CTDSPL: variants seen among roughly 807,000 people sequenced by gnomAD.
CTDSPL encodes CTD small phosphatase-like protein.
In CTDSPL, 8 loss-of-function variants were observed where a neutral mutation model predicts 30.5. That is an observed-to-expected ratio of 0.26 (90% confidence interval 0.15 to 0.47). The LOEUF (loss-of-function observed/expected upper bound fraction) is 0.47, where lower values mean the gene tolerates loss of function less well. Among genes scored for constraint, CTDSPL ranks in the 20% least tolerant of loss-of-function variants. The pLI is 0.99. For synonymous variants in CTDSPL, 110 were observed against 137.9 expected (o/e 0.80, Z 1.42); for missense variants, 248 against 366.1 (o/e 0.68, Z 2.63).
chr3:37,872,188 G>A (rs1252228429), intron 1 of CTDSPL, among the ~76,000 whole-genome samples: 2 of 151,964 alleles, frequency 1.3e-5, no homozygotes, highest in African/African-American at 4.8e-5. Context: ...TAGAGTCGGG[G>A]GTCAGCCTAT....
At chr3:37,872,570 A>AT (rs1559621242) in intron 1 of CTDSPL, among the ~76,000 whole-genome samples, 27 of 54,222 alleles carry the variant, frequency 5.0e-4, no homozygotes, top group African/African-American at 9.8e-4. Flanking sequence ...AAATTCTTTT[A>AT]TCTTTTTTTT....
chr3:37,878,240 T>C (rs532674909), intron 1 of CTDSPL, among the ~76,000 whole-genome samples: 13 of 152,302 alleles, frequency 8.5e-5, no homozygotes, highest in South Asian at 2.1e-4. Flanking sequence ...ATCATACTTA[T>C]GGTGTCATAC....
chr3:37,977,897 A>C (rs1012036893), intron 7 of CTDSPL, among the ~76,000 whole-genome samples: 1 of 151,836 alleles, frequency 6.6e-6, no homozygotes, highest in South Asian at 2.1e-4. Flanking sequence ...ACCCTATCCC[A>C]AAAAAAAGAA....
chr3:37,874,149 G>C (rs965975190), intron 1 of CTDSPL, among the ~76,000 whole-genome samples: 1 of 152,180 alleles, frequency 6.6e-6, no homozygotes, highest in African/African-American at 2.4e-5. Flanking sequence ...TCCAGTCTGG[G>C]CTACCCTGAA....
chr3:37,886,029 T>C (rs1002883283), intron 1 of CTDSPL, among the ~76,000 whole-genome samples: 8 of 152,108 alleles, frequency 5.3e-5, no homozygotes, highest in African/African-American at 1.9e-4. Flanking sequence ...TGCCACAGCT[T>C]CAGGTCAAGG....
intron 2 of CTDSPL, among the ~76,000 whole-genome samples, chr3:37,949,329 T>C (rs1372158847): frequency 2.0e-5 from 3 of 152,190 alleles, no homozygotes; most frequent in Non-Finnish European, 4.4e-5. Flanking sequence ...TTTATGGACA[T>C]AATTATGAAT....
At chr3:37,969,323 G>A (rs1236866186) in intron 5 of CTDSPL, 2 of 475,234 alleles carry the variant, frequency 4.2e-6, no homozygotes, top group Non-Finnish European at 8.7e-6. Flanking sequence ...CAAGGTCCCA[G>A]GGCTGGGGTC....
At chr3:37,863,442 T>C (rs1697969266) in intron 1 of CTDSPL, among the ~76,000 whole-genome samples, 1 of 152,216 alleles carries the variant, frequency 6.6e-6, no homozygotes, top group Admixed American at 6.5e-5. Context: ...GCCTCTAGTG[T>C]GTTGGGACTT....
chr3:37,930,030 C>T (rs764698817), intron 1 of CTDSPL, among the ~76,000 whole-genome samples: 17 of 151,058 alleles, frequency 1.1e-4, no homozygotes, highest in South Asian at 2.1e-4. Context: ...TAGCTTGAAC[C>T]GGGAAGGTGG....
intron 1 of CTDSPL, among the ~76,000 whole-genome samples, chr3:37,863,913 G>C (rs554477683): frequency 1.3e-5 from 2 of 152,200 alleles, no homozygotes; most frequent in Non-Finnish European, 2.9e-5. Flanking sequence ...GCATTTTTCT[G>C]TGCCTTTCAG....
chr3:37,871,413 A>G (rs918297543), intron 1 of CTDSPL, among the ~76,000 whole-genome samples: 1 of 152,186 alleles, frequency 6.6e-6, no homozygotes, highest in Non-Finnish European at 1.5e-5. Flanking sequence ...AGCTACTATA[A>G]ACATATGTGT....
At chr3:37,919,798 C>T (rs1188864078) in intron 1 of CTDSPL, among the ~76,000 whole-genome samples, 2 of 152,100 alleles carry the variant, frequency 1.3e-5, no homozygotes, top group Admixed American at 1.3e-4. Context: ...AGTTGTGCTT[C>T]GCTGGGCCCT....
At chr3:37,973,251 T>C (rs1167918440) in intron 6 of CTDSPL, among the ~76,000 whole-genome samples, 1 of 152,270 alleles carries the variant, frequency 6.6e-6, no homozygotes. Context: ...CATCAGTGGC[T>C]CTTCCAACAG....
intron 1 of CTDSPL, among the ~76,000 whole-genome samples, chr3:37,946,283 G>A (rs9816687): frequency 0.024 from 3,660 of 152,326 alleles, 146 homozygotes; most frequent in African/African-American, 0.083. Context: ...AAACAGAAAG[G>A]ATGTGTCACT....
intron 3 of CTDSPL, among the ~76,000 whole-genome samples, chr3:37,963,342 T>A (rs1699263793): frequency 6.6e-6 from 1 of 152,228 alleles, no homozygotes; most frequent in Non-Finnish European, 1.5e-5. Flanking sequence ...TTACATTTAC[T>A]ATTGAACCAG....
chr3:37,964,425 A>T, intron 3 of CTDSPL, 146 bp from the exon 4 acceptor site: 1 of 535,638 alleles, frequency 1.9e-6, no homozygotes, highest in Non-Finnish European at 3.3e-6. Context: ...ATAAAACTTT[A>T]GTTGCAAACT....
At chr3:37,924,200 G>A (rs946497957) in intron 1 of CTDSPL, among the ~76,000 whole-genome samples, 2 of 152,128 alleles carry the variant, frequency 1.3e-5, no homozygotes, top group Admixed American at 6.5e-5. Context: ...AACATTATTC[G>A]GCCTAAAGAG....
chr3:37,976,592 A>G (rs1699431374), intron 7 of CTDSPL, among the ~76,000 whole-genome samples: 1 of 151,230 alleles, frequency 6.6e-6, no homozygotes, highest in Non-Finnish European at 1.5e-5. Context: ...AGATCCCACC[A>G]CTTCACTCCA....
At position 37,862,358 on chromosome 3, in the gene CTDSPL, A is replaced by AG; in HGVS notation, c.79+80_79+81insG. On this transcript the variant is annotated intron_variant, in intron 1 of 7. Coordinates refer to ENST00000273179, the MANE Select transcript of CTDSPL (RefSeq NM_001008392.2). The surrounding 1 kb of genome is among the most constrained non-coding windows in gnomAD (Gnocchi z 4.3). ...CTGGAGTTCACTGCCGGGCGCCGGC[A>AG]TGGGCCTGGGGGAGGGGTGCACAGG... 1 of 1,267,010 alleles carries AG rather than the reference A, an allele frequency of 7.9e-7. No individual in the cohort carries two copies. Among genetic ancestry groups the AG allele is most frequent in the Non-Finnish European group, 1.0e-6 (1 of 978,640 alleles). 78.5% of individuals were successfully genotyped at this position (1,267,010 alleles called of 1,614,324 possible).
Sources: allele counts gnomAD v4.1 joint callset (sites outside exome capture counted in the v4.1 genomes callset), GRCh38; gene constraint gnomAD v4.1.1; non-coding constraint Gnocchi (gnomAD v3.1); transcripts MANE v1.5; gene names NCBI Gene and HGNC (gene_info 2026-07-23, HGNC 2026-07-21).